Variants in PLEKHG7 observed in about 807,000 individuals in gnomAD.
The protein encoded by PLEKHG7 is pleckstrin homology and RhoGEF domain containing G7.
In PLEKHG7, 77 loss-of-function variants were observed where a neutral mutation model predicts 85.2. The ratio of observed to expected loss-of-function variants is 0.90; its 90% CI spans 0.75 to 1.09. The LOEUF (loss-of-function observed/expected upper bound fraction) is 1.09. Among genes scored for constraint, PLEKHG7 ranks in the 50% least tolerant of loss-of-function variants. The probability of loss-of-function intolerance (pLI) is 0.00; values close to 1 mark genes in which losing one functional copy is unlikely to be tolerated. For missense variants in PLEKHG7, 777 were observed against 804.3 expected, an observed-to-expected ratio of 0.97 and a Z score of 0.41; for synonymous variants, 301 against 302.4, an observed-to-expected ratio of 1.00 and a Z score of 0.05.
chr12:92,736,113 T>C (rs1350395573), intron 5 of PLEKHG7, among the ~76,000 whole-genome samples: 1 of 152,180 alleles, frequency 6.6e-6, no homozygotes, highest in Non-Finnish European at 1.5e-5. Context: ...CTGATGTTAA[T>C]AAATCTTAGG....
chr12:92,721,945 C>G (rs1228504085), intron 3 of PLEKHG7, among the ~76,000 whole-genome samples: 3 of 151,960 alleles, frequency 2.0e-5, no homozygotes, highest in Non-Finnish European at 2.9e-5. Context: ...ACCCCTACCC[C>G]ACACAGACAC....
chr12:92,760,178 A>G (rs1031752934), intron 13 of PLEKHG7, among the ~76,000 whole-genome samples: 3 of 152,228 alleles, frequency 2.0e-5, no homozygotes, highest in Non-Finnish European at 4.4e-5. Flanking sequence ...CATATTCAGC[A>G]GCAAGGAAAT....
At chr12:92,764,325 C>T in intron 15 of PLEKHG7, 131 bp downstream of exon 15, 1 of 907,262 alleles carries the variant, frequency 1.1e-6, no homozygotes, top group Non-Finnish European at 1.6e-6. Context: ...TATGTGTCTA[C>T]ATATCTTTCA....
intron 15 of PLEKHG7, among the ~76,000 whole-genome samples, chr12:92,764,741 A>G (rs1172165560): frequency 3.3e-5 from 5 of 152,106 alleles, no homozygotes; most frequent in Non-Finnish European, 5.9e-5. Flanking sequence ...TTATTCAAGT[A>G]TTTCTTGAGT....
Position 92,732,259 on chromosome 12 carries a change from T to A in PLEKHG7, c.685T>A (p.Ser229Thr), listed in dbSNP as rs1592678655. ...SESKKPRWPF[S>T]KRGVGKDKHK... ...ATCCAAAAAGCCAAGATGGCCTTTC[T>A]CCAAAAGAGGAGTGGTAAGTGTTGC... Residue 229 changes from serine (S) to threonine (T), a missense_variant, in exon 5 of 17, where the codon TCC (serine) becomes ACC (threonine). Transcript: ENST00000344636. 15 of 1,231,484 alleles carry A rather than the reference T, an allele frequency of 1.2e-5. No individual in the cohort carries two copies. The highest frequency in any genetic ancestry group is 1.5e-5 in the Non-Finnish European group (15 of 987,430). The allele number at this position is 1,231,484 out of a possible 1,614,324, so 76.3% of individuals were successfully genotyped here.
intron 3 of PLEKHG7, among the ~76,000 whole-genome samples, chr12:92,724,331 T>C (rs558304980): frequency 6.6e-6 from 1 of 152,218 alleles, no homozygotes; most frequent in Non-Finnish European, 1.5e-5. Flanking sequence ...TCCATCCTTA[T>C]AACTATCATT....
chr12:92,754,850 A>C (rs1010138904), intron 11 of PLEKHG7, among the ~76,000 whole-genome samples: 10 of 152,214 alleles, frequency 6.6e-5, no homozygotes, highest in Non-Finnish European at 1.3e-4. Context: ...CCTCGTGGGC[A>C]TCAGAAGGGA....
intron 11 of PLEKHG7, among the ~76,000 whole-genome samples, chr12:92,755,308 T>C (rs1872796660): frequency 1.3e-5 from 2 of 152,156 alleles, no homozygotes; most frequent in African/African-American, 2.4e-5. Flanking sequence ...CTCCATGTTT[T>C]CAAAAAACAT....
intron 3 of PLEKHG7, chr12:92,721,565 G>A (rs1474832288): frequency 4.4e-6 from 5 of 1,124,330 alleles, no homozygotes; most frequent in Admixed American, 4.3e-5. Flanking sequence ...TACATGGTGG[G>A]TGGGGGTGGG....
At chr12:92,752,647 G>A (rs1470234521) in intron 10 of PLEKHG7, among the ~76,000 whole-genome samples, 2 of 152,188 alleles carry the variant, frequency 1.3e-5, no homozygotes, top group African/African-American at 4.8e-5. Context: ...CAAGGCAAAG[G>A]ATTTAACCTG....
intron 8 of PLEKHG7, 112 bp downstream of exon 8, chr12:92,741,060 C>T (rs1176595985): frequency 6.0e-6 from 4 of 668,308 alleles, no homozygotes; most frequent in Non-Finnish European, 1.0e-5. Flanking sequence ...TATTCCATTC[C>T]CAGTCAGGAC....
At chr12:92,714,948 G>T (rs1194153894) in intron 3 of PLEKHG7, among the ~76,000 whole-genome samples, 1 of 151,996 alleles carries the variant, frequency 6.6e-6, no homozygotes, top group Non-Finnish European at 1.5e-5. Context: ...TTAATACTCT[G>T]TTCCTCTAGA....
intron 10 of PLEKHG7, among the ~76,000 whole-genome samples, chr12:92,748,271 G>A (rs994380814): frequency 6.1e-5 from 9 of 147,348 alleles, no homozygotes; most frequent in Non-Finnish European, 3.0e-5. Context: ...TTTTGAGACA[G>A]AGTTTTGTTT....
rs190047666 is a variant in PLEKHG7 at position 92,705,297 on chromosome 12, A to G, written c.-161-1174A>G. Among the ~76,000 whole-genome samples, 698 of 152,370 alleles carry G rather than the reference A, an allele frequency of 4.6e-3. 7 individuals carry two copies. The highest frequency in any genetic ancestry group is 7.6e-3 in the Non-Finnish European group (519 of 68,034). On this transcript the variant is annotated intron_variant, in intron 1 of 16. Transcript: ENST00000344636. ...GCAAAGTACTAGAATGATAGTCAACAGAATGAGGTCAGGTTATAAGGAAAA... is the reference window on the plus strand; with the variant it reads ...GCAAAGTACTAGAATGATAGTCAACGGAATGAGGTCAGGTTATAAGGAAAA...
chr12:92,723,298 C>T (rs1488220394), intron 3 of PLEKHG7, among the ~76,000 whole-genome samples: 3 of 152,126 alleles, frequency 2.0e-5, no homozygotes, highest in Non-Finnish European at 4.4e-5. Context: ...GGAATTCAGA[C>T]CAGGAGCTGG....
chr12:92,752,478 C>T (rs1872717167), intron 10 of PLEKHG7, among the ~76,000 whole-genome samples: 1 of 152,074 alleles, frequency 6.6e-6, no homozygotes, highest in African/African-American at 2.4e-5. Flanking sequence ...GTTTAGACCT[C>T]CACAGGCCAT....
At chr12:92,760,335 A>T (rs1049377174) in intron 13 of PLEKHG7, among the ~76,000 whole-genome samples, 5 of 151,896 alleles carry the variant, frequency 3.3e-5, no homozygotes, top group Non-Finnish European at 4.4e-5. Flanking sequence ...TATGATTTTT[A>T]AAAAAACTAT....
intron 9 of PLEKHG7, among the ~76,000 whole-genome samples, chr12:92,743,515 A>G (rs551020231): frequency 6.6e-6 from 1 of 152,012 alleles, no homozygotes; most frequent in African/African-American, 2.4e-5. Flanking sequence ...TGGGTGATAG[A>G]ACTGGATATC....
intron 10 of PLEKHG7, among the ~76,000 whole-genome samples, chr12:92,749,964 ATTTTATATT>A (rs1872643972): frequency 2.3e-5 from 2 of 85,994 alleles, no homozygotes; most frequent in Admixed American, 2.9e-4. Flanking sequence ...TTTATATTTT[ATTTTATATT>A]TTATTTTATT....
Sources: allele counts gnomAD v4.1 joint callset (sites outside exome capture counted in the v4.1 genomes callset), GRCh38; gene constraint gnomAD v4.1.1; transcripts MANE v1.5; gene names NCBI Gene and HGNC (gene_info 2026-07-23, HGNC 2026-07-21).